HECW1: variants seen among roughly 807,000 people sequenced by gnomAD.
HECW1 encodes the protein E3 ubiquitin-protein ligase HECW1.
A neutral mutation model predicts 182.3 loss-of-function variants in HECW1; 61 were observed. The ratio of observed to expected loss-of-function variants is 0.33; its 90% CI spans 0.27 to 0.41. The LOEUF (loss-of-function observed/expected upper bound fraction) is 0.41. HECW1 is among the 10% of genes least tolerant of loss of function. The probability of loss-of-function intolerance (pLI) is 1.00; values close to 1 mark genes in which losing one functional copy is unlikely to be tolerated. For missense variants in HECW1, 1,739 were observed against 2,108.9 expected (o/e 0.82, Z 3.44); for synonymous variants, 859 against 832.6 (o/e 1.03, Z -0.55).
chr7:43,379,717 T>A (rs2152826488), intron 6 of HECW1, among the ~76,000 whole-genome samples: 1 of 152,080 alleles, frequency 6.6e-6, no homozygotes, highest in East Asian at 1.9e-4. Context: ...TCCAAATAAA[T>A]AATTCACTCC....
At chr7:43,211,914 A>G (rs1796041138) in intron 2 of HECW1, among the ~76,000 whole-genome samples, 1 of 152,210 alleles carries the variant, frequency 6.6e-6, no homozygotes, top group South Asian at 2.1e-4. Context: ...GATGTATGGT[A>G]TGTGGAGTAA....
intron 2 of HECW1, among the ~76,000 whole-genome samples, chr7:43,142,705 TC>T (rs1243650367): frequency 1.3e-5 from 2 of 152,222 alleles, no homozygotes; most frequent in Non-Finnish European, 2.9e-5. Context: ...TGACAACAGT[TC>T]CTGGAGGATC....
rs183707876 is a variant in HECW1 at position 43,445,770 on chromosome 7, T to C, written c.2398+200T>C. 5.3e-5 allele frequency among the ~76,000 whole-genome samples: 8 copies of C among 152,332 alleles called. No individual in the cohort carries two copies. The East Asian group carries it at 1.5e-3, about 29-fold the overall frequency. On this transcript the variant is annotated intron_variant, in intron 11 of 29. Coordinates refer to ENST00000395891, the MANE Select transcript of HECW1 (RefSeq NM_015052.5). The stretch of plus-strand genomic sequence containing the variant: ...ACTGTGAGTAGCTGACACCCCACAA[T>C]GTCTCAGATACACACCAGGAATTAC...
chr7:43,115,824 G>A (rs1477031136), intron 2 of HECW1, among the ~76,000 whole-genome samples: 1 of 152,148 alleles, frequency 6.6e-6, no homozygotes, highest in Non-Finnish European at 1.5e-5. Context: ...TTTTCCCATA[G>A]CCTTTTTGTT....
At chr7:43,484,169 G>A (rs2078541927) in intron 17 of HECW1, 1 of 152,284 alleles carries the variant, frequency 6.6e-6, no homozygotes, top group South Asian at 2.1e-4. Flanking sequence ...CTGCAAATGG[G>A]TGACCACTAA....
intron 3 of HECW1, among the ~76,000 whole-genome samples, chr7:43,276,178 C>T (rs1803118884): frequency 6.6e-6 from 1 of 152,154 alleles, no homozygotes; most frequent in African/African-American, 2.4e-5. Context: ...TCTTACATAA[C>T]AACTATGCCA....
intron 2 of HECW1, chr7:43,148,784 C>T (rs1430983090): frequency 2.0e-5 from 3 of 151,748 alleles, no homozygotes; most frequent in African/African-American, 7.3e-5. Context: ...TTTTGAAGAA[C>T]ATGAGTACCT....
chr7:43,165,051 G>A (rs772227913), intron 2 of HECW1, among the ~76,000 whole-genome samples: 1 of 152,116 alleles, frequency 6.6e-6, no homozygotes, highest in Non-Finnish European at 1.5e-5. Context: ...TCCACTTTTG[G>A]AGAAATGCCA....
intron 2 of HECW1, among the ~76,000 whole-genome samples, chr7:43,134,798 T>G (rs1787346344): frequency 6.6e-6 from 1 of 152,208 alleles, no homozygotes; most frequent in African/African-American, 2.4e-5. Context: ...TCCCCAAGAC[T>G]CTTGACATAT....
chr7:43,186,403 C>A (rs1353223505), intron 2 of HECW1, among the ~76,000 whole-genome samples: 1 of 152,130 alleles, frequency 6.6e-6, no homozygotes, highest in Non-Finnish European at 1.5e-5. Context: ...CGCAGTGGCT[C>A]ACGGCTATAA....
intron 6 of HECW1, among the ~76,000 whole-genome samples, chr7:43,390,505 C>T (rs566534005): frequency 1.4e-4 from 20 of 145,810 alleles, no homozygotes; most frequent in African/African-American, 4.9e-4. Context: ...GGTGCTACTG[C>T]ATCCAGCCTG....
chr7:43,547,061 C>T (rs1164568013), intron 26 of HECW1, among the ~76,000 whole-genome samples: 1 of 152,218 alleles, frequency 6.6e-6, no homozygotes, highest in East Asian at 1.9e-4. Context: ...CTCTTCTTAT[C>T]TTGACATTTT....
rs751312580 is a variant in HECW1, at chr7:43,507,134, C to T, written c.3632-3C>T. 2.5e-6 allele frequency: 4 copies of T among 1,612,872 alleles called. No individual in the cohort carries two copies. Among genetic ancestry groups the T allele is most frequent in the Non-Finnish European group, 8.5e-7 (1 of 1,179,396 alleles). On this transcript the variant is annotated splice_polypyrimidine_tract_variant and splice_region_variant and intron_variant, in intron 21 of 29. Coordinates refer to ENST00000395891, the MANE Select transcript of HECW1 (RefSeq NM_015052.5). ...GATGACCTCTGTGTGCTTCTCTCTG[C>T]AGGTTTACAGAGAGCCAGTGCAAGA...
At chr7:43,221,556 T>G (rs1219113994) in intron 2 of HECW1, among the ~76,000 whole-genome samples, 1 of 96,864 alleles carries the variant, frequency 1.0e-5, no homozygotes, top group Admixed American at 1.1e-4. Flanking sequence ...TTTTTTTTTT[T>G]TTTTTTTTTT....
At chr7:43,384,035 G>C (rs1214278644) in intron 6 of HECW1, among the ~76,000 whole-genome samples, 2 of 152,102 alleles carry the variant, frequency 1.3e-5, no homozygotes, top group Admixed American at 1.3e-4. Flanking sequence ...AGGAGGAGTT[G>C]GTCTTGCTGT....
chr7:43,272,667 A>G (rs964205427), intron 3 of HECW1, among the ~76,000 whole-genome samples: 5 of 152,124 alleles, frequency 3.3e-5, no homozygotes, highest in African/African-American at 1.2e-4. Flanking sequence ...TAGGGTCAAA[A>G]AACAGATGAT....
At chr7:43,541,754 C>A in intron 25 of HECW1, 115 bp from the exon 26 acceptor site, 2 of 954,492 alleles carry the variant, frequency 2.1e-6, no homozygotes, top group South Asian at 4.2e-5. Context: ...CAAAAGTATC[C>A]AATTGTTAGG....
chr7:43,175,222 CTGAT>C (rs1365895052), intron 2 of HECW1, among the ~76,000 whole-genome samples: 22 of 152,144 alleles, frequency 1.4e-4, no homozygotes, highest in Middle Eastern at 6.8e-3. Flanking sequence ...CTAAATCAAG[CTGAT>C]TAACATTCAT....
At chr7:43,271,180 C>T (rs1320832342) in intron 3 of HECW1, among the ~76,000 whole-genome samples, 1 of 152,068 alleles carries the variant, frequency 6.6e-6, no homozygotes, top group South Asian at 2.1e-4. Flanking sequence ...AACCAAGAAA[C>T]TTTGGGGAAA....
Sources: allele counts gnomAD v4.1 joint callset (sites outside exome capture counted in the v4.1 genomes callset), GRCh38; gene constraint gnomAD v4.1.1; transcripts MANE v1.5; gene names NCBI Gene and HGNC (gene_info 2026-07-23, HGNC 2026-07-21).